SOX5: variants seen among roughly 807,000 people sequenced by gnomAD.
SOX5 encodes SRY-box transcription factor 5.
A neutral mutation model predicts 92.0 loss-of-function variants in SOX5; 9 were observed. That is an observed-to-expected ratio of 0.10 (90% confidence interval 0.06 to 0.17). The LOEUF (loss-of-function observed/expected upper bound fraction) is 0.17, where lower values mean the gene tolerates loss of function less well. Among genes scored for constraint, SOX5 ranks in the 10% least tolerant of loss-of-function variants. SOX5 has a pLI of 1.00. For missense variants in SOX5, 642 were observed against 944.5 expected, an observed-to-expected ratio of 0.68 and a Z score of 4.20; for synonymous variants, 344 against 336.3, an observed-to-expected ratio of 1.02 and a Z score of -0.25.
intron 1 of SOX5, among the ~76,000 whole-genome samples, chr12:24,447,364 G>A (rs1941642745): frequency 1.3e-5 from 2 of 152,134 alleles, no homozygotes; most frequent in African/African-American, 2.4e-5. Flanking sequence ...GAAAACATCA[G>A]ACAAGCACAG....
intron 1 of SOX5, among the ~76,000 whole-genome samples, chr12:24,429,234 G>T (rs1034088540): frequency 1.3e-5 from 2 of 151,966 alleles, no homozygotes; most frequent in Non-Finnish European, 2.9e-5. Flanking sequence ...GGAGAATGGC[G>T]TGAACCTGGG....
upstream of SOX5, chr12:23,949,748 C>T: frequency 1.0e-6 from 1 of 974,628 alleles, no homozygotes; most frequent in Admixed American, 2.8e-5. Context: ...CTCTCTCTCT[C>T]TCTCCCTCTC....
At chr12:24,022,056 A>C (rs1954353896) in intron 4 of SOX5, among the ~76,000 whole-genome samples, 1 of 152,128 alleles carries the variant, frequency 6.6e-6, no homozygotes, top group South Asian at 2.1e-4. Flanking sequence ...ACTGGAGATA[A>C]AATGCTATCT....
intron 1 of SOX5, among the ~76,000 whole-genome samples, chr12:23,915,259 AAATTG>A (rs2097400669): frequency 6.6e-6 from 1 of 152,190 alleles, no homozygotes. Context: ...TTGTTCTTTG[AAATTG>A]AATTGAATAT....
At chr12:23,654,867 T>C (rs766650855) in intron 7 of SOX5, among the ~76,000 whole-genome samples, 28 of 152,056 alleles carry the variant, frequency 1.8e-4, no homozygotes, top group Non-Finnish European at 3.8e-4. Context: ...TAAAATAAAT[T>C]AGCTCTTGTT....
chr12:24,452,957 A>G lies in SOX5; in HGVS notation c.-250-84318T>C, dbSNP rs184875344. ...TTCAATGCAAAGTAATTAAATAGAA[A>G]GTCTTAAAAACTTAAAATCCTTACT... is the stretch of plus-strand genomic sequence containing the variant. On this transcript the variant is annotated intron_variant, in intron 1 of 4. Coordinates refer to the SOX5 transcript ENST00000446891. Among the ~76,000 whole-genome samples, 308 of 152,352 alleles carry G rather than the reference A, an allele frequency of 2.0e-3. 2 individuals carry two copies. Among genetic ancestry groups the G allele is most frequent in the Admixed American group, 0.016 (252 of 15,302 alleles).
At chr12:24,169,200 A>G (rs1479777791) in intron 4 of SOX5, among the ~76,000 whole-genome samples, 1 of 152,200 alleles carries the variant, frequency 6.6e-6, no homozygotes, top group Admixed American at 6.5e-5. Flanking sequence ...AAGGTCACCA[A>G]CTTTTGCTAT....
intron 1 of SOX5, among the ~76,000 whole-genome samples, chr12:24,462,448 A>C (rs1191221790): frequency 6.6e-6 from 1 of 152,192 alleles, no homozygotes; most frequent in Non-Finnish European, 1.5e-5. Flanking sequence ...TCATGTTATT[A>C]TATTGAAAAG....
At chr12:24,558,875 A>G (rs1954068195) in intron 1 of SOX5, among the ~76,000 whole-genome samples, 1 of 152,236 alleles carries the variant, frequency 6.6e-6, no homozygotes, top group Non-Finnish European at 1.5e-5. Context: ...TAATTGGATT[A>G]AGAACCATAA....
chr12:24,038,043 G>A lies in SOX5; in HGVS notation c.-1-142019C>T, dbSNP rs531057945. On this transcript the variant is annotated intron_variant, in intron 4 of 4. Transcript: ENST00000446891. ...TATTTCCCCAGAAAGACATACAAAA[G>A]GGGAAAAGAGTAGAAACCAAGATTT... 3.3e-5 allele frequency among the ~76,000 whole-genome samples: 5 copies of A among 152,224 alleles called. No homozygotes were observed. In the South Asian group the frequency reaches 1.0e-3, roughly 32 times the overall value.
intron 4 of SOX5, among the ~76,000 whole-genome samples, chr12:24,154,680 A>G (rs1043961258): frequency 6.6e-6 from 1 of 152,156 alleles, no homozygotes; most frequent in Admixed American, 6.6e-5. Context: ...GGCAGGATAT[A>G]AAAGTGTATA....
intron 1 of SOX5, among the ~76,000 whole-genome samples, chr12:23,910,804 C>A (rs2097343302): frequency 6.6e-6 from 1 of 152,076 alleles, no homozygotes; most frequent in African/African-American, 2.4e-5. Flanking sequence ...AATGTGATTT[C>A]TTCCCCAACC....
chr12:23,894,128 T>G (rs771075719), intron 2 of SOX5, among the ~76,000 whole-genome samples: 5 of 152,148 alleles, frequency 3.3e-5, no homozygotes, highest in Non-Finnish European at 7.4e-5. Context: ...AATACCTCAC[T>G]GAATTACTGT....
intron 4 of SOX5, among the ~76,000 whole-genome samples, chr12:24,117,186 G>A (rs998193008): frequency 2.0e-5 from 3 of 152,108 alleles, no homozygotes; most frequent in African/African-American, 7.2e-5. Flanking sequence ...GAAGAGATAT[G>A]AATGGCCAAT....
chr12:24,386,205 T>C (rs185675553), intron 1 of SOX5, among the ~76,000 whole-genome samples: 4 of 152,254 alleles, frequency 2.6e-5, no homozygotes, highest in South Asian at 2.1e-4. Context: ...CTATTGACAA[T>C]GTTAAGTGAG....
At chr12:24,183,232 C>A (rs950406305) in intron 4 of SOX5, among the ~76,000 whole-genome samples, 1 of 152,272 alleles carries the variant, frequency 6.6e-6, no homozygotes, top group South Asian at 2.1e-4. Flanking sequence ...AAACCATATA[C>A]TACTCCACTA....
chr12:24,355,282 C>CTTTGTTT (rs1954672424), intron 2 of SOX5, among the ~76,000 whole-genome samples: 1 of 71,918 alleles, frequency 1.4e-5, no homozygotes, highest in African/African-American at 7.4e-5. Flanking sequence ...AGGGGTGCAT[C>CTTTGTTT]TTTTTTTTTT....
chr12:23,726,860 T>G (rs2093162073), intron 6 of SOX5, among the ~76,000 whole-genome samples: 1 of 152,154 alleles, frequency 6.6e-6, no homozygotes, highest in African/African-American at 2.4e-5. Context: ...TTCCCAATGC[T>G]GAAGCCCGCT....
chr12:24,283,158 T>TTAC lies in SOX5; in HGVS notation c.-173-5849_-173-5847dup, dbSNP rs550800697. Among the ~76,000 whole-genome samples the TTAC allele has an allele frequency of 8.3e-3, 1,267 of 152,330 alleles. 14 individuals carry two copies. The highest frequency in any genetic ancestry group is 0.027 in the Middle Eastern group (8 of 294). Reference sequence around the variant, plus strand: ...CTTGATCTTAATGTAATTAAAGGTTTTACTATTCCTCAAAGGATTAACAAG... The same window carrying TTAC: ...CTTGATCTTAATGTAATTAAAGGTTTTACTACTATTCCTCAAAGGATTAACAAG... On this transcript the variant is annotated intron_variant, in intron 2 of 4. Transcript: ENST00000446891.
Sources: allele counts gnomAD v4.1 joint callset (sites outside exome capture counted in the v4.1 genomes callset), GRCh38; gene constraint gnomAD v4.1.1; transcripts MANE v1.5; gene names NCBI Gene and HGNC (gene_info 2026-07-23, HGNC 2026-07-21).